The following DPP6 variants were observed in gnomAD, a reference collection of about 807,000 sequenced individuals.
DPP6 encodes the protein dipeptidyl peptidase like 6.
In DPP6, 69 loss-of-function variants were observed where a neutral mutation model predicts 122.6. The observed-to-expected ratio is 0.56, with a 90% CI of 0.46 to 0.69. DPP6 has a LOEUF of 0.69. Among genes scored for constraint, DPP6 ranks in the 30% least tolerant of loss-of-function variants. DPP6 has a pLI of 0.00. For synonymous variants in DPP6, 418 were observed against 433.1 expected, an observed-to-expected ratio of 0.97 and a Z score of 0.43; for missense variants, 928 against 1,116.9, an observed-to-expected ratio of 0.83 and a Z score of 2.41.
At chr7:154,131,327 G>A (rs1795272117) in intron 1 of DPP6, among the ~76,000 whole-genome samples, 1 of 152,230 alleles carries the variant, frequency 6.6e-6, no homozygotes, top group Non-Finnish European at 1.5e-5. Flanking sequence ...AGGAACGTCA[G>A]TTGTGACTGA....
chr7:154,167,063 T>C (rs1797290817), intron 1 of DPP6, among the ~76,000 whole-genome samples: 1 of 145,612 alleles, frequency 6.9e-6, no homozygotes, highest in Admixed American at 6.7e-5. Flanking sequence ...AATCTTTCCA[T>C]GCACCCCCAC....
the DPP6 span, among the ~76,000 whole-genome samples, chr7:153,862,951 T>G: frequency 6.6e-6 from 1 of 151,824 alleles, no homozygotes; most frequent in African/African-American, 2.4e-5. Context: ...CAGGGAAAAA[T>G]AGATAAATAT....
At chr7:153,867,171 T>C in the DPP6 span, among the ~76,000 whole-genome samples, 1 of 152,242 alleles carries the variant, frequency 6.6e-6, no homozygotes, top group African/African-American at 2.4e-5. Flanking sequence ...AGGTAGCTTT[T>C]TCCAATTCTG....
At position 154,483,372 on chromosome 7, in the gene DPP6, A is replaced by C. The variant is rs1431562479; in HGVS notation, c.457+8335A>C. Among the ~76,000 whole-genome samples the C allele has an allele frequency of 6.8e-6, 1 of 146,678 alleles. No homozygotes were observed. The highest frequency in any genetic ancestry group is 1.5e-5 in the Non-Finnish European group (1 of 67,094). ...GTTTATTTCTTTCTGTTAAAGGTAA[A>C]CTGAGGCACAATACAATTTTTTTTT... On this transcript the variant is annotated intron_variant, in intron 3 of 25. Transcript: ENST00000377770. This position sits in a 1 kb window ranked among gnomAD's most constrained non-coding sequence, Gnocchi z 8.1.
intron 8 of DPP6, among the ~76,000 whole-genome samples, chr7:154,754,189 T>C (rs1843543498): frequency 6.6e-6 from 1 of 152,342 alleles, no homozygotes; most frequent in African/African-American, 2.4e-5. Context: ...GTTGAAACTG[T>C]GTATTATAAT....
At chr7:154,171,593 G>A (rs1797536012) in intron 1 of DPP6, among the ~76,000 whole-genome samples, 1 of 152,164 alleles carries the variant, frequency 6.6e-6, no homozygotes, top group Non-Finnish European at 1.5e-5. Flanking sequence ...ATCAGGCCCT[G>A]CTGGCAGCCA....
intron 17 of DPP6, among the ~76,000 whole-genome samples, chr7:154,867,365 TCCACA>T (rs1803974060): frequency 6.6e-6 from 1 of 152,118 alleles, no homozygotes; most frequent in African/African-American, 2.4e-5. Context: ...GTCCAGCGCA[TCCACA>T]CCACAGGGCA....
intron 1 of DPP6, among the ~76,000 whole-genome samples, chr7:154,445,711 C>T (rs1482261251): frequency 2.6e-5 from 4 of 151,422 alleles, no homozygotes; most frequent in South Asian, 4.2e-4. Flanking sequence ...TGAAAATTGG[C>T]ACATAGCATG....
At position 154,148,313 on chromosome 7, in the gene DPP6, CA is replaced by C. The variant is rs545055439; in HGVS notation, c.243+95251del. Among the ~76,000 whole-genome samples, 58 of 144,522 alleles carry C rather than the reference CA, an allele frequency of 4.0e-4. No homozygotes were observed. In the South Asian group the frequency reaches 0.012, roughly 31 times the overall value. 94.8% of individuals were successfully genotyped at this position (144,522 alleles called of 152,430 possible). Reference sequence around the variant, plus strand: ...TGGGGTCAGCCTCAGACTCTCTGCACATGTTTGCTGGCCAACGTTCCAGCCA... The same window carrying C: ...TGGGGTCAGCCTCAGACTCTCTGCACTGTTTGCTGGCCAACGTTCCAGCCA... On this transcript the variant is annotated intron_variant, in intron 1 of 25. Coordinates refer to ENST00000377770, the MANE Select transcript of DPP6 (RefSeq NM_130797.4).
chr7:154,306,733 G>A (rs1033040824), intron 1 of DPP6, among the ~76,000 whole-genome samples: 3 of 152,156 alleles, frequency 2.0e-5, no homozygotes, highest in African/African-American at 4.8e-5. Flanking sequence ...GAACTTAAAT[G>A]AAGTTTTATG....
intron 1 of DPP6, among the ~76,000 whole-genome samples, chr7:154,350,815 T>C (rs1374345595): frequency 6.6e-6 from 1 of 152,178 alleles, no homozygotes; most frequent in Admixed American, 6.5e-5. Flanking sequence ...CAAATCCGCC[T>C]CTCTGAGGAG....
At chr7:154,610,705 CTCTGTGTGTGTGTGTGTGTG>C (rs749578159) in intron 5 of DPP6, among the ~76,000 whole-genome samples, 1 of 140,610 alleles carries the variant, frequency 7.1e-6, no homozygotes, top group Non-Finnish European at 1.5e-5. Context: ...CTGTGTTGTT[CTCTGTGTGTGTGTGTGTGTG>C]TGTGTGTGTG....
chr7:153,909,152 A>G (rs1469129445), intron 1 of DPP6, among the ~76,000 whole-genome samples: 8 of 152,186 alleles, frequency 5.3e-5, no homozygotes, highest in Non-Finnish European at 5.9e-5. Flanking sequence ...TTTTGTCCCC[A>G]AAAGATTTAC....
the DPP6 span, among the ~76,000 whole-genome samples, chr7:153,866,596 G>T: frequency 2.6e-5 from 4 of 152,064 alleles, no homozygotes; most frequent in Admixed American, 2.6e-4. Flanking sequence ...CCATTCTGTA[G>T]GTTGCCTGTT....
At chr7:154,411,035 A>G (rs556462074) in intron 1 of DPP6, among the ~76,000 whole-genome samples, 1 of 152,310 alleles carries the variant, frequency 6.6e-6, no homozygotes, top group African/African-American at 2.4e-5. Context: ...ATTACATCAG[A>G]TACTTCTAGG....
rs1159360196 is a variant in DPP6, at chr7:153,976,632, T to A, written c.51+88898T>A. ...TGAAAGTCAAAGATCTGATGTTGAATCAGGTTGGGAGGGCAAGAAATGATT... is the reference window on the plus strand; with the variant it reads ...TGAAAGTCAAAGATCTGATGTTGAAACAGGTTGGGAGGGCAAGAAATGATT... On this transcript the variant is annotated intron_variant, in intron 1 of 25. Transcript: ENST00000404039. Among the ~76,000 whole-genome samples, 4 of 152,194 alleles carry A rather than the reference T, an allele frequency of 2.6e-5. No homozygotes were observed. The East Asian group carries it at 7.7e-4, about 29-fold the overall frequency.
chr7:154,590,754 G>A (rs1207903089), intron 5 of DPP6, among the ~76,000 whole-genome samples: 3 of 150,952 alleles, frequency 2.0e-5, no homozygotes, highest in East Asian at 2.0e-4. Context: ...GGCTGGTCTC[G>A]AACTCCCGAC....
intron 12 of DPP6, among the ~76,000 whole-genome samples, chr7:154,798,534 A>G (rs1363888160): frequency 6.6e-6 from 1 of 152,268 alleles, no homozygotes; most frequent in Non-Finnish European, 1.5e-5. Context: ...AAACGTATGC[A>G]ATGCTGCCAT....
chr7:154,576,705 G>A (rs936383567), intron 5 of DPP6, among the ~76,000 whole-genome samples: 40 of 152,264 alleles, frequency 2.6e-4, no homozygotes, highest in Admixed American at 1.5e-3. Context: ...GGATGGATGC[G>A]CGGGAAATAC....
Sources: allele counts gnomAD v4.1 joint callset (sites outside exome capture counted in the v4.1 genomes callset), GRCh38; gene constraint gnomAD v4.1.1; non-coding constraint Gnocchi (gnomAD v3.1); transcripts MANE v1.5; gene names NCBI Gene and HGNC (gene_info 2026-07-23, HGNC 2026-07-21).